The following ADAMTSL1 variants were observed in gnomAD, a reference collection of about 807,000 sequenced individuals.
ADAMTSL1 encodes ADAMTS like 1.
In ADAMTSL1, 126 loss-of-function variants were observed where a neutral mutation model predicts 201.8. The ratio of observed to expected loss-of-function variants is 0.62; its 90% CI spans 0.54 to 0.72. The LOEUF (loss-of-function observed/expected upper bound fraction) is 0.72. ADAMTSL1 is among the 30% of genes least tolerant of loss of function. The pLI is 0.00. For synonymous variants in ADAMTSL1, 1,121 were observed against 903.4 expected, an observed-to-expected ratio of 1.24 and a Z score of -4.32; for missense variants, 2,679 against 2,277.8, an observed-to-expected ratio of 1.18 and a Z score of -3.59.
chr9:18,448,775 C>A (rs1820295478), intron 2 of ADAMTSL1, among the ~76,000 whole-genome samples: 1 of 151,652 alleles, frequency 6.6e-6, no homozygotes, highest in Non-Finnish European at 1.5e-5. Context: ...AAAAAAGAAC[C>A]AAAAGTATGG....
At chr9:18,427,146 T>C (rs891370141) in intron 2 of ADAMTSL1, among the ~76,000 whole-genome samples, 31 of 152,166 alleles carry the variant, frequency 2.0e-4, no homozygotes, top group African/African-American at 6.3e-4. Flanking sequence ...TTGTAGCAAA[T>C]TGAAAAACTT....
At chr9:18,439,680 A>G (rs146153586) in intron 2 of ADAMTSL1, among the ~76,000 whole-genome samples, 2 of 152,154 alleles carry the variant, frequency 1.3e-5, no homozygotes, top group Non-Finnish European at 2.9e-5. Flanking sequence ...TAACTTTTTT[A>G]AAAAATGAAG....
intron 2 of ADAMTSL1, among the ~76,000 whole-genome samples, chr9:18,382,719 G>A (rs1010213982): frequency 2.0e-5 from 3 of 152,062 alleles, no homozygotes; most frequent in South Asian, 4.1e-4. Context: ...CATTATGAAC[G>A]ACATCACAGT....
At chr9:18,859,272 A>G (rs1827061553) in intron 23 of ADAMTSL1, among the ~76,000 whole-genome samples, 1 of 152,208 alleles carries the variant, frequency 6.6e-6, no homozygotes, top group South Asian at 2.1e-4. Flanking sequence ...AGCTCCTCAA[A>G]GCCACCTGCA....
intron 1 of ADAMTSL1, among the ~76,000 whole-genome samples, chr9:18,010,837 TACAC>T (rs1160772727): frequency 6.6e-6 from 1 of 152,072 alleles, no homozygotes; most frequent in Non-Finnish European, 1.5e-5. Context: ...AAAAATGTAA[TACAC>T]AATTAGTTTT....
At chr9:18,303,474 G>A (rs1397003616) in intron 2 of ADAMTSL1, among the ~76,000 whole-genome samples, 2 of 152,180 alleles carry the variant, frequency 1.3e-5, no homozygotes, top group African/African-American at 4.8e-5. Flanking sequence ...CACAGGCAGT[G>A]ATGGTTCACT....
chr9:18,538,125 C>T (rs1034841826), intron 3 of ADAMTSL1, among the ~76,000 whole-genome samples: 2 of 152,004 alleles, frequency 1.3e-5, no homozygotes, highest in African/African-American at 4.8e-5. Flanking sequence ...GGATGCAAAG[C>T]AGGGGGAAGA....
chr9:17,980,467 C>G (rs1307029611), intron 1 of ADAMTSL1, among the ~76,000 whole-genome samples: 3 of 151,956 alleles, frequency 2.0e-5, no homozygotes, highest in African/African-American at 7.3e-5. Flanking sequence ...ATTTTGATTA[C>G]TAGCTATACT....
intron 9 of ADAMTSL1, among the ~76,000 whole-genome samples, chr9:18,669,598 C>T (rs954677715): frequency 1.3e-5 from 2 of 152,052 alleles, no homozygotes; most frequent in Non-Finnish European, 2.9e-5. Context: ...GGGATCCCAA[C>T]GTGCCTCTGT....
intron 2 of ADAMTSL1, among the ~76,000 whole-genome samples, chr9:18,349,998 A>G (rs181862543): frequency 4.6e-5 from 7 of 152,086 alleles, no homozygotes; most frequent in Middle Eastern, 3.4e-3. Context: ...TACACAAAAA[A>G]GCACAATGTG....
intron 2 of ADAMTSL1, among the ~76,000 whole-genome samples, chr9:18,266,648 C>A (rs549780299): frequency 2.3e-4 from 35 of 152,160 alleles, no homozygotes; most frequent in Middle Eastern, 3.4e-3. Flanking sequence ...TAAAGAGTCA[C>A]CCTCCGGAAG....
chr9:18,610,582 T>C (rs541084243), intron 4 of ADAMTSL1, among the ~76,000 whole-genome samples: 13 of 152,320 alleles, frequency 8.5e-5, no homozygotes, highest in African/African-American at 3.1e-4. Flanking sequence ...TAACAGACTT[T>C]GAAAGCAGGA....
intron 1 of ADAMTSL1, among the ~76,000 whole-genome samples, chr9:18,153,518 C>G (rs1437869718): frequency 6.6e-6 from 1 of 152,002 alleles, no homozygotes; most frequent in Admixed American, 6.6e-5. Context: ...TAGCAGTAGT[C>G]CTAATCTGTG....
intron 2 of ADAMTSL1, among the ~76,000 whole-genome samples, chr9:18,354,048 CAT>C (rs10623938): frequency 0.19 from 27,735 of 142,464 alleles, 2,738 homozygotes; most frequent in African/African-American, 0.25. Flanking sequence ...TTTTTCTATA[CAT>C]ATATATATAT....
At chr9:18,490,579 G>A (rs1388651037) in intron 1 of ADAMTSL1, among the ~76,000 whole-genome samples, 1 of 152,108 alleles carries the variant, frequency 6.6e-6, no homozygotes, top group African/African-American at 2.4e-5. Flanking sequence ...CACATGCAAG[G>A]AGAAGACAAC....
chr9:18,408,325 G>T (rs1179932642), intron 2 of ADAMTSL1, among the ~76,000 whole-genome samples: 1 of 152,068 alleles, frequency 6.6e-6, no homozygotes, highest in Admixed American at 6.6e-5. Context: ...TTAAAAATTA[G>T]GTAGGCATGG....
rs182901453 is a variant in ADAMTSL1 at position 18,417,922 on chromosome 9, A to C, written c.208-86907A>C. 5.8e-4 allele frequency among the ~76,000 whole-genome samples: 89 copies of C among 152,340 alleles called. No homozygotes were observed. In the East Asian group the frequency reaches 0.016, roughly 27 times the overall value. On this transcript the variant is annotated intron_variant, in intron 2 of 29. Transcript: ENST00000680146. ...AAAAACCAGACAAAGATAATAAAAA[A>C]TAACACTATAGAGCACAAAAATTCT...
chr9:18,136,134 C>T (rs889353355), intron 1 of ADAMTSL1, among the ~76,000 whole-genome samples: 10 of 152,138 alleles, frequency 6.6e-5, no homozygotes, highest in Non-Finnish European at 1.3e-4. Flanking sequence ...TACAAGGCTC[C>T]GTAAGTGAAG....
intron 9 of ADAMTSL1, among the ~76,000 whole-genome samples, chr9:18,673,460 G>T (rs977947134): frequency 1.3e-5 from 2 of 152,236 alleles, no homozygotes; most frequent in Admixed American, 1.3e-4. Context: ...CATGACCCAT[G>T]TCATAGAAGA....
Sources: allele counts gnomAD v4.1 joint callset (sites outside exome capture counted in the v4.1 genomes callset), GRCh38; gene constraint gnomAD v4.1.1; transcripts MANE v1.5; gene names NCBI Gene and HGNC (gene_info 2026-07-23, HGNC 2026-07-21).